Variants in DIXDC1 observed in about 807,000 individuals in gnomAD.
DIXDC1 encodes the protein DIX domain containing 1.
DIXDC1 carries 64 observed loss-of-function variants against 103.1 expected under a neutral mutation model. The observed-to-expected ratio is 0.62, with a 90% CI of 0.51 to 0.76. The LOEUF is 0.76. DIXDC1 is among the 30% of genes least tolerant of loss of function. The probability of loss-of-function intolerance (pLI) is 0.00; values close to 1 mark genes in which losing one functional copy is unlikely to be tolerated. For missense variants in DIXDC1, 759 were observed against 834.2 expected (o/e 0.91, Z 1.11); for synonymous variants, 266 against 298.5 (o/e 0.89, Z 1.12).
At chr11:111,937,082 A>AGTGT, upstream of DIXDC1, 1 of 278,040 alleles carries the variant, frequency 3.6e-6, no homozygotes, top group Non-Finnish European at 5.0e-6. Flanking sequence ...AAGCCGTGTG[A>AGTGT]GTGTGTGTGT....
chr11:112,004,830 C>T (rs1473384709), intron 17 of DIXDC1, among the ~76,000 whole-genome samples: 1 of 152,204 alleles, frequency 6.6e-6, no homozygotes, highest in Non-Finnish European at 1.5e-5. Flanking sequence ...ATCTCAATCC[C>T]AGCTCAGCTT....
upstream of DIXDC1, among the ~76,000 whole-genome samples, chr11:111,933,691 CAAAAAAAA>C (rs34415537): frequency 3.6e-5 from 4 of 111,808 alleles, no homozygotes; most frequent in African/African-American, 1.4e-4. Context: ...CTCTCTCTCT[CAAAAAAAA>C]AAAAAAAAAA....
intron 1 of DIXDC1, among the ~76,000 whole-genome samples, chr11:111,950,436 ATATTTTTTTTTTTTTTT>A (rs1163375799): frequency 1.4e-3 from 29 of 20,874 alleles, no homozygotes; most frequent in African/African-American, 7.9e-3. Flanking sequence ...ATATATATAT[ATATTTTTTTTTTTTTTT>A]TTTTTTTTTT....
intron 3 of DIXDC1, among the ~76,000 whole-genome samples, chr11:111,973,244 C>A (rs1859993806): frequency 6.6e-6 from 1 of 151,500 alleles, no homozygotes; most frequent in African/African-American, 2.4e-5. Context: ...TGGTGGCGGG[C>A]ACCTGTAATC....
In DIXDC1 at chr11:111,977,882, C is replaced by A. The variant is rs1481212338; in HGVS notation, c.657-2855C>A. The A allele has an allele frequency of 2.1e-6, 3 of 1,445,416 alleles. No individual in the cohort carries two copies. Among genetic ancestry groups the A allele is most frequent in the African/African-American group, 3.0e-5 (2 of 67,100 alleles). The allele number at this position is 1,445,416 out of a possible 1,614,324, so 89.5% of individuals were successfully genotyped here. On this transcript the variant is annotated intron_variant, in intron 5 of 19. Transcript: ENST00000440460. This position sits in a 1 kb window ranked among gnomAD's most constrained non-coding sequence, Gnocchi z 6.1. The stretch of plus-strand genomic sequence containing the variant: ...GAGGATGCTGTTGGCCGGAGACAGG[C>A]GGGGTGGTGGGAGCATTATGTTGGG...
intron 17 of DIXDC1, among the ~76,000 whole-genome samples, chr11:112,013,060 G>A (rs1228815048): frequency 6.6e-6 from 1 of 152,100 alleles, no homozygotes; most frequent in Non-Finnish European, 1.5e-5. Context: ...AGTTCTGGAG[G>A]CTAGAAGTAC....
At chr11:111,962,283 A>G (rs782177998) in intron 1 of DIXDC1, among the ~76,000 whole-genome samples, 1 of 152,166 alleles carries the variant, frequency 6.6e-6, no homozygotes, top group Admixed American at 6.5e-5. Context: ...GGAGTTCAAG[A>G]CCAGCCTGAC....
At chr11:111,966,564 C>CGGCTAATTT (rs1242941573) in intron 2 of DIXDC1, among the ~76,000 whole-genome samples, 1 of 151,922 alleles carries the variant, frequency 6.6e-6, no homozygotes, top group Non-Finnish European at 1.5e-5. Context: ...CCACCGCGCC[C>CGGCTAATTT]GGCTAATTTT....
At position 111,958,788 on chromosome 11, in the gene DIXDC1, T is replaced by C. The variant is rs1859474945; in HGVS notation, c.61-5761T>C. On this transcript the variant is annotated intron_variant, in intron 1 of 19. Transcript: ENST00000440460. The surrounding 1 kb of genome is among the most constrained non-coding windows in gnomAD (Gnocchi z 4.2). ...CCATGGCCACCCATGAACCAATCAG[T>C]ACACACTTCCTCCCCTTTGAAGCCC... is the stretch of plus-strand genomic sequence containing the variant. Among the ~76,000 whole-genome samples, 2 of 152,090 alleles carry C rather than the reference T, an allele frequency of 1.3e-5. No individual in the cohort carries two copies. The highest frequency in any genetic ancestry group is 4.8e-5 in the African/African-American group (2 of 41,402).
At chr11:111,992,103 G>A (rs1860728798) in intron 10 of DIXDC1, among the ~76,000 whole-genome samples, 1 of 152,200 alleles carries the variant, frequency 6.6e-6, no homozygotes, top group African/African-American at 2.4e-5. Flanking sequence ...TGATCCCAAA[G>A]TCCAGTCTTT....
chr11:112,015,700 G>A (rs1861562871), intron 17 of DIXDC1, among the ~76,000 whole-genome samples: 1 of 151,706 alleles, frequency 6.6e-6, no homozygotes. Flanking sequence ...TACTCGGGAG[G>A]CTGAGGCACG....
chr11:111,971,342 C>A (rs781916541), intron 3 of DIXDC1, among the ~76,000 whole-genome samples: 2 of 152,060 alleles, frequency 1.3e-5, no homozygotes, highest in Non-Finnish European at 2.9e-5. Flanking sequence ...AAGTGGCCAA[C>A]AAACATATGA....
At chr11:111,989,192 G>A (rs587760688) in intron 10 of DIXDC1, 137 bp downstream of exon 10, 5 of 639,772 alleles carry the variant, frequency 7.8e-6, no homozygotes, top group Middle Eastern at 4.1e-4. Flanking sequence ...CTTTGTGGGA[G>A]GGAAGTGAGA....
chr11:111,949,727 T>C (rs1363317325), intron 1 of DIXDC1, among the ~76,000 whole-genome samples: 2 of 152,184 alleles, frequency 1.3e-5, no homozygotes, highest in Non-Finnish European at 2.9e-5. Flanking sequence ...GCCCACACGC[T>C]ACCCCCTCAA....
rs932758343 is a variant in DIXDC1, at chr11:112,019,246, T to A, written c.*210T>A. The A allele has an allele frequency of 4.6e-6, 2 of 430,780 alleles. No homozygotes were observed. Among genetic ancestry groups the A allele is most frequent in the African/African-American group, 3.9e-5 (2 of 51,002 alleles). The allele number at this position is 430,780 out of a possible 1,614,324, so 26.7% of individuals were successfully genotyped here. ...TTCTGTCCAAATGTAGACCATGGGTTCATCTGGAGTTCCTTGTCCGTGGGA... is the reference window on the plus strand; with the variant it reads ...TTCTGTCCAAATGTAGACCATGGGTACATCTGGAGTTCCTTGTCCGTGGGA... On this transcript the variant is annotated 3_prime_UTR_variant, in exon 20 of 20. Transcript: ENST00000440460.
chr11:111,931,229 G>C (rs1243466061), intron 2 of DIXDC1, among the ~76,000 whole-genome samples: 1 of 152,090 alleles, frequency 6.6e-6, no homozygotes, highest in East Asian at 1.9e-4. Flanking sequence ...CAACTACTCA[G>C]GAGGCTGAAT....
chr11:111,974,548 T>G (rs1469640429), intron 4 of DIXDC1, among the ~76,000 whole-genome samples: 4 of 152,142 alleles, frequency 2.6e-5, no homozygotes, highest in African/African-American at 9.7e-5. Context: ...CACTGGGAGG[T>G]CCGTGGGAGC....
At position 112,017,707 on chromosome 11, in the gene DIXDC1, T is replaced by C; in HGVS notation, c.1863-70T>C. 7.4e-7 allele frequency: 1 copy of C among 1,349,784 alleles called. No homozygotes were observed. Among genetic ancestry groups the C allele is most frequent in the Non-Finnish European group, 1.0e-6 (1 of 969,788 alleles). 83.6% of individuals were successfully genotyped at this position (1,349,784 alleles called of 1,614,324 possible). The stretch of plus-strand genomic sequence containing the variant: ...ATTGACTTTGGCAGGGGGCTGTGTT[T>C]AAAGTTAACATCTTATCTTTCCAGC... On this transcript the variant is annotated intron_variant, in intron 18 of 19. Coordinates refer to ENST00000440460, the MANE Select transcript of DIXDC1 (RefSeq NM_001037954.4). The surrounding 1 kb of genome is among the most constrained non-coding windows in gnomAD (Gnocchi z 4.0).
Position 111,976,512 on chromosome 11 carries a change from G to A in DIXDC1, c.656+1529G>A, listed in dbSNP as rs1860100271. On this transcript the variant is annotated intron_variant, in intron 5 of 19. Coordinates refer to ENST00000440460, the MANE Select transcript of DIXDC1 (RefSeq NM_001037954.4). The surrounding 1 kb of genome is among the most constrained non-coding windows in gnomAD (Gnocchi z 4.3). ...CCTCATCCAGCTCTTTGGCATGCTG[G>A]GTTAGTAGCTGCCTTTTCCTCAGTG... Among the ~76,000 whole-genome samples the A allele has an allele frequency of 6.6e-6, 1 of 152,124 alleles. No individual in the cohort carries two copies. The highest frequency in any genetic ancestry group is 6.5e-5 in the Admixed American group (1 of 15,278).
Sources: gnomAD v4.1 joint callset for allele counts (sites outside exome capture counted in the v4.1 genomes callset) on GRCh38, gnomAD v4.1.1 for gene constraint, Gnocchi (gnomAD v3.1) non-coding constraint, MANE v1.5 for transcripts, NCBI Gene and HGNC (gene_info 2026-07-23, HGNC 2026-07-21) for gene names.